Variants in NKX3-2 observed in about 807,000 individuals in gnomAD.
The protein encoded by NKX3-2 is homeobox protein Nkx-3.2.
Under a neutral mutation model 19.4 loss-of-function variants are expected in NKX3-2, and 13 were observed. The observed-to-expected ratio is 0.67, with a 90% confidence interval of 0.44 to 1.07. The LOEUF (loss-of-function observed/expected upper bound fraction) is 1.07. Among genes scored for constraint, NKX3-2 ranks in the 50% least tolerant of loss-of-function variants. The pLI is 0.00. For synonymous variants in NKX3-2, 269 were observed against 230.5 expected (o/e 1.17, Z -1.51); for missense variants, 562 against 488.2 (o/e 1.15, Z -1.42).
Position 13,542,277 on chromosome 4 carries a change from C to G in NKX3-2, c.718G>C (p.Ala240Pro), listed in dbSNP as rs1286306990. 1 of 1,610,142 alleles carries G rather than the reference C, an allele frequency of 6.2e-7. No homozygotes were observed. Among genetic ancestry groups the G allele is most frequent in the Non-Finnish European group, 8.5e-7 (1 of 1,179,036 alleles). The change falls in exon 2 of 2, where the codon GCC (alanine) becomes CCC (proline). Residue 240 changes from alanine to proline, a missense_variant. Ala to Pro is a conservative substitution (Grantham distance 27). Coordinates refer to ENST00000382438, the MANE Select transcript of NKX3-2 (RefSeq NM_001189.4). This position sits in a 1 kb window ranked among gnomAD's most constrained non-coding sequence, Gnocchi z 6.4. ...YLSGPERADL[A>P]ASLKLTETQV... is the part of the protein sequence containing the mutation. ...GTCTCGGTGAGCTTCAGCGACGCGG[C>G]CAGGTCTGCGCGCTCGGGCCCGGAC... is the stretch of plus-strand genomic sequence containing the variant.
upstream of NKX3-2, among the ~76,000 whole-genome samples, chr4:13,545,830 C>G (rs1453240695): frequency 6.6e-6 from 1 of 151,886 alleles, no homozygotes; most frequent in Non-Finnish European, 1.5e-5. Flanking sequence ...AGAAGTATAC[C>G]TAGGAATTAC....
Position 13,544,060 on chromosome 4 carries a change from C to T in NKX3-2, c.355G>A (p.Ala119Thr), listed in dbSNP as rs781766584. 2.5e-6 allele frequency: 4 copies of T among 1,572,788 alleles called. No homozygotes were observed. The African/African-American group carries it at 5.5e-5, about 22-fold the overall frequency. The change falls in exon 1 of 2, where the codon GCG (alanine) becomes ACG (threonine). Residue 119 changes from alanine (A) to threonine (T), a missense_variant. By Grantham distance (58) the Ala-to-Thr change is moderately conservative. Transcript: ENST00000382438. ...TGGCCGAGGCTCAAGGATCCCCCCG[C>T]AAGGCCGGCCCCGCTGGCCCCCCGC... ...DARGASGAGL[A>T]GGSLSLGQPV...
chr4:13,544,065 C>A lies in NKX3-2; in HGVS notation c.350G>T (p.Gly117Val), dbSNP rs539837783. 2.2e-5 allele frequency: 34 copies of A among 1,574,906 alleles called. No individual in the cohort carries two copies. The highest frequency in any genetic ancestry group is 1.7e-5 in the Non-Finnish European group (20 of 1,163,272). Residue 117 changes from glycine (G) to valine (V), a missense_variant, in exon 1 of 2, where the codon GGC (glycine) becomes GTC (valine). Coordinates refer to ENST00000382438, the MANE Select transcript of NKX3-2 (RefSeq NM_001189.4). ...GAGGCTCAAGGATCCCCCCGCAAGG[C>A]CGGCCCCGCTGGCCCCCCGCGCGTC... is the stretch of plus-strand genomic sequence containing the variant. Reference protein sequence around the residue: ...CADARGASGAGLAGGSLSLGQ... With the variant: ...CADARGASGAVLAGGSLSLGQ...
At chr4:13,545,390 A>G (rs1273974856), upstream of NKX3-2, among the ~76,000 whole-genome samples, 1 of 152,266 alleles carries the variant, frequency 6.6e-6, no homozygotes, top group Non-Finnish European at 1.5e-5. Context: ...ATGCAGTTCC[A>G]TAAATCATGC....
chr4:13,547,511 C>A, upstream of NKX3-2: 1 of 230,198 alleles, frequency 4.3e-6, no homozygotes, highest in Non-Finnish European at 8.5e-6. Flanking sequence ...GCCCCCTCCG[C>A]GCCCACGGGC....
Position 13,540,873 on chromosome 4 carries a change from G to A in NKX3-2, c.*1120C>T, listed in dbSNP as rs913061973. 6.6e-6 allele frequency: 1 copy of A among 152,214 alleles called. No homozygotes were observed. Among genetic ancestry groups the A allele is most frequent in the Non-Finnish European group, 1.5e-5 (1 of 68,056 alleles). 9.4% of individuals were successfully genotyped at this position (152,214 alleles called of 1,614,324 possible). A position where few individuals can be genotyped will look rare whatever the true frequency, so the allele number is the denominator to read the frequency against. ...TTATAAATTAAAGAAAAAATACAGC[G>A]AATAGAGCTTCCAAACTTCACAAAT... On this transcript the variant is annotated 3_prime_UTR_variant, in exon 2 of 2. Coordinates refer to ENST00000382438, the MANE Select transcript of NKX3-2 (RefSeq NM_001189.4).
rs758682687 is a variant in NKX3-2 at position 13,542,080 on chromosome 4, C to T, written c.915G>A (p.Leu305=). Residue 305 remains leucine, a synonymous_variant, in exon 2 of 2, where the codon CTG becomes CTA. Transcript: ENST00000382438. This position sits in a 1 kb window ranked among gnomAD's most constrained non-coding sequence, Gnocchi z 6.4. ...PGEVLRPPSL[L]PLQPSYYYPY... Reference sequence around the variant, plus strand: ...GGTAATAGTAGGAGGGCTGCAGTGGCAGAAGCGAGGGTGGCCGCAGCACTT... The same window carrying T: ...GGTAATAGTAGGAGGGCTGCAGTGGTAGAAGCGAGGGTGGCCGCAGCACTT... 1.7e-4 allele frequency: 281 copies of T among 1,607,300 alleles called. No homozygotes were observed. Among genetic ancestry groups the T allele is most frequent in the Non-Finnish European group, 6.0e-6 (7 of 1,175,578 alleles).
rs186403807 is a variant in NKX3-2 at position 13,541,713 on chromosome 4, T to C, written c.*280A>G. On this transcript the variant is annotated 3_prime_UTR_variant, in exon 2 of 2. Transcript: ENST00000382438. ...TTCGAATCAAAATTTAATTCCAACATTGTCATGATAATAAATAGAGCCCAG... is the reference window on the plus strand; with the variant it reads ...TTCGAATCAAAATTTAATTCCAACACTGTCATGATAATAAATAGAGCCCAG... 5.1e-6 allele frequency: 2 copies of C among 394,718 alleles called. No homozygotes were observed. Among genetic ancestry groups the C allele is most frequent in the East Asian group, 8.0e-5 (2 of 25,050 alleles). The allele number at this position is 394,718 out of a possible 1,614,324, so 24.5% of individuals were successfully genotyped here.
chr4:13,546,970 A>G, upstream of NKX3-2: 1 of 456,286 alleles, frequency 2.2e-6, no homozygotes, highest in South Asian at 1.5e-5. Flanking sequence ...CCGGAGGCGC[A>G]CAGCAAGGGA....
chr4:13,542,622 G>GGAAATACAC lies in NKX3-2; in HGVS notation c.467-103_467-95dup. ...ACTGCAGGGGTCACGGGAGTGGGGCGGAAATACACTTTGATCCCACTCAAG... is the reference window on the plus strand; with the variant it reads ...ACTGCAGGGGTCACGGGAGTGGGGCGGAAATACACGAAATACACTTTGATCCCACTCAAG... On this transcript the variant is annotated intron_variant, in intron 1 of 1. Transcript: ENST00000382438. This position sits in a 1 kb window ranked among gnomAD's most constrained non-coding sequence, Gnocchi z 6.4. 6.8e-7 allele frequency: 1 copy of GGAAATACAC among 1,477,912 alleles called. No individual in the cohort carries two copies. Among genetic ancestry groups the GGAAATACAC allele is most frequent in the Non-Finnish European group, 9.3e-7 (1 of 1,073,826 alleles). The allele number at this position is 1,477,912 out of a possible 1,614,324, so 91.5% of individuals were successfully genotyped here.
rs954303215 is a variant in NKX3-2, at chr4:13,542,645, A to C, written c.467-117T>G. On this transcript the variant is annotated intron_variant, in intron 1 of 1. Transcript: ENST00000382438. This position sits in a 1 kb window ranked among gnomAD's most constrained non-coding sequence, Gnocchi z 6.4. ...GCGGAAATACACTTTGATCCCACTC[A>C]AGCGGAGCGGAGGTCTGGGAGGCCC... 71 of 1,368,772 alleles carry C rather than the reference A, an allele frequency of 5.2e-5. 1 individual carries two copies. The East Asian group carries it at 1.5e-3, about 28-fold the overall frequency. The allele number at this position is 1,368,772 out of a possible 1,614,324, so 84.8% of individuals were successfully genotyped here. A position where few individuals can be genotyped will look rare whatever the true frequency, so the allele number is the denominator to read the frequency against.
chr4:13,546,400 T>A (rs1294302091), upstream of NKX3-2: 1 of 157,356 alleles, frequency 6.4e-6, no homozygotes, highest in Non-Finnish European at 1.4e-5. Context: ...CATTTAAATT[T>A]GGTGTCAGTG....
chr4:13,544,155 C>G lies in NKX3-2; in HGVS notation c.260G>C (p.Ser87Thr), dbSNP rs1376385493. The G allele has an allele frequency of 1.2e-6, 2 of 1,605,814 alleles. No homozygotes were observed. Among genetic ancestry groups the G allele is most frequent in the East Asian group, 2.2e-5 (1 of 44,628 alleles). ...TRTAAGRTAE[S>T]PEGWDSDSAL... is the part of the protein sequence containing the mutation. The stretch of plus-strand genomic sequence containing the variant: ...GGAGTCCGAGTCCCAGCCTTCCGGG[C>G]TCTCCGCAGTCCGCCCCGCAGCTGT... The change falls in exon 1 of 2, where the codon AGC becomes ACC. Residue 87 changes from serine (S) to threonine (T), a missense_variant. By Grantham distance (58) the Ser-to-Thr change is moderately conservative. Transcript: ENST00000382438.
In NKX3-2 at chr4:13,542,087, G is replaced by A. The variant is rs1443074028; in HGVS notation, c.908C>T (p.Ser303Leu). 6.2e-7 allele frequency: 1 copy of A among 1,606,616 alleles called. No homozygotes were observed. Among genetic ancestry groups the A allele is most frequent in the Non-Finnish European group, 8.5e-7 (1 of 1,174,920 alleles). The change falls in exon 2 of 2, where the codon TCG (serine) becomes TTG (leucine). Residue 303 changes from serine (S) to leucine (L), a missense_variant. Ser to Leu is a moderately radical substitution (Grantham distance 145). Coordinates refer to ENST00000382438, the MANE Select transcript of NKX3-2 (RefSeq NM_001189.4). This position sits in a 1 kb window ranked among gnomAD's most constrained non-coding sequence, Gnocchi z 6.4. Reference protein sequence around the residue: ...YLPGEVLRPPSLLPLQPSYYY... With the variant: ...YLPGEVLRPPLLLPLQPSYYY... ...GTAGGAGGGCTGCAGTGGCAGAAGC[G>A]AGGGTGGCCGCAGCACTTCGCCGGG... is the stretch of plus-strand genomic sequence containing the variant.
At position 13,544,000 on chromosome 4, in the gene NKX3-2, C is replaced by T; in HGVS notation, c.415G>A (p.Glu139Lys). ...TCGCTCCGGCCCGCGGCTTCCTCCTCTAGGTCTTTGGAAGCGGCCAGCTCA... is the reference window on the plus strand; with the variant it reads ...TCGCTCCGGCCCGCGGCTTCCTCCTTTAGGTCTTTGGAAGCGGCCAGCTCA... ...VCELAASKDL[E>K]EEAAGRSDSE... Residue 139 changes from glutamate (E) to lysine (K), a missense_variant, in exon 1 of 2, where the codon GAG becomes AAG. Glu to Lys is a moderately conservative substitution (Grantham distance 56). Coordinates refer to ENST00000382438, the MANE Select transcript of NKX3-2 (RefSeq NM_001189.4). The surrounding 1 kb of genome is among the most constrained non-coding windows in gnomAD (Gnocchi z 7.1). The T allele has an allele frequency of 6.4e-7, 1 of 1,572,456 alleles. No individual in the cohort carries two copies. Among genetic ancestry groups the T allele is most frequent in the Non-Finnish European group, 8.6e-7 (1 of 1,162,106 alleles).
At chr4:13,546,882 G>T (rs1242714833), upstream of NKX3-2, 1 of 455,728 alleles carries the variant, frequency 2.2e-6, no homozygotes, top group Non-Finnish European at 4.4e-6. Flanking sequence ...AGCATGAAAA[G>T]ATGTGGTTTG....
chr4:13,546,947 CG>C (rs1718145415), upstream of NKX3-2: 1 of 456,286 alleles, frequency 2.2e-6, no homozygotes, highest in Admixed American at 2.3e-5. Context: ...AAAGGGGCTA[CG>C]TTCCGCGTCT....
chr4:13,542,262 G>A lies in NKX3-2; in HGVS notation c.733C>T (p.Leu245Phe). The A allele has an allele frequency of 6.2e-7, 1 of 1,611,236 alleles. No homozygotes were observed. Among genetic ancestry groups the A allele is most frequent in the Non-Finnish European group, 8.5e-7 (1 of 1,179,346 alleles). ...CAGATTTTCACCTGCGTCTCGGTGA[G>A]CTTCAGCGACGCGGCCAGGTCTGCG... ...ERADLAASLK[L>F]TETQVKIWFQ... The change falls in exon 2 of 2, where the codon CTC (leucine) becomes TTC (phenylalanine). Residue 245 changes from leucine (L) to phenylalanine (F), a missense_variant. By Grantham distance (22) the Leu-to-Phe change is conservative. Transcript: ENST00000382438. This position sits in a 1 kb window ranked among gnomAD's most constrained non-coding sequence, Gnocchi z 6.4.
chr4:13,544,651 G>T, upstream of NKX3-2: 1 of 295,720 alleles, frequency 3.4e-6, no homozygotes, highest in Non-Finnish European at 6.1e-6. Flanking sequence ...CGAATCCAGA[G>T]CCAGACGCTC....
Sources: allele counts gnomAD v4.1 joint callset (sites outside exome capture counted in the v4.1 genomes callset), GRCh38; gene constraint gnomAD v4.1.1; non-coding constraint Gnocchi (gnomAD v3.1); transcripts MANE v1.5; gene names NCBI Gene and HGNC (gene_info 2026-07-23, HGNC 2026-07-21).